EMSY: variants seen among roughly 807,000 people sequenced by gnomAD.
EMSY encodes the protein BRCA2-interacting transcriptional repressor EMSY.
In EMSY, 26 loss-of-function variants were observed where a neutral mutation model predicts 134.6. That is an observed-to-expected ratio of 0.19 (90% CI 0.14 to 0.27). The LOEUF is 0.27. Among genes scored for constraint, EMSY ranks in the 10% least tolerant of loss-of-function variants. The probability of loss-of-function intolerance (pLI) is 1.00; values close to 1 mark genes in which losing one functional copy is unlikely to be tolerated. For missense variants in EMSY, 1,305 were observed against 1,611.4 expected, an observed-to-expected ratio of 0.81 and a Z score of 3.26; for synonymous variants, 579 against 577.8, an observed-to-expected ratio of 1.00 and a Z score of -0.03.
At chr11:76,518,437 GGATTACAGGCATGAGCCA>G (rs1270714288) in intron 11 of EMSY, among the ~76,000 whole-genome samples, 2 of 150,870 alleles carry the variant, frequency 1.3e-5, no homozygotes, top group African/African-American at 4.9e-5. Flanking sequence ...CAAAGTGCTG[GGATTACAGGCATGAGCCA>G]CCATGCCTGG....
chr11:76,524,673 CTGA>C (rs1297617440), intron 12 of EMSY, among the ~76,000 whole-genome samples: 1 of 152,146 alleles, frequency 6.6e-6, no homozygotes, highest in African/African-American at 2.4e-5. Flanking sequence ...TTAGATATCT[CTGA>C]TAACAACCGT....
At chr11:76,450,307 A>G (rs1463874881) in intron 2 of EMSY, among the ~76,000 whole-genome samples, 1 of 152,114 alleles carries the variant, frequency 6.6e-6, no homozygotes, top group Admixed American at 6.6e-5. Flanking sequence ...TCTGGACTCT[A>G]TTCTGGGTCC....
intron 16 of EMSY, 49 bp from the exon 18 acceptor site, chr11:76,539,550 G>C (rs1951353390): frequency 1.3e-6 from 2 of 1,582,010 alleles, no homozygotes; most frequent in South Asian, 2.2e-5. Flanking sequence ...ATTCTTGCAT[G>C]GTGAACAGAT....
chr11:76,520,284 A>G (rs1442236255), intron 11 of EMSY, among the ~76,000 whole-genome samples: 2 of 152,088 alleles, frequency 1.3e-5, no homozygotes, highest in East Asian at 1.9e-4. Flanking sequence ...TTGGTTTGCA[A>G]CTATCATATA....
At chr11:76,489,680 C>G (rs145035734) in intron 8 of EMSY, among the ~76,000 whole-genome samples, 1,844 of 151,244 alleles carry the variant, frequency 0.012, 26 homozygotes, top group African/African-American at 0.041. Context: ...TTTTGGCTCA[C>G]TGCAACCTCC....
downstream of EMSY, chr11:76,551,588 T>C (rs973674344): frequency 9.2e-5 from 14 of 152,600 alleles, no homozygotes; most frequent in African/African-American, 3.4e-4. Flanking sequence ...CGCTGATCTC[T>C]GGTGGTTGTC....
exon 9 of EMSY, chr11:76,496,248 C>G (rs764261455): frequency 6.2e-7 from 1 of 1,614,044 alleles, no homozygotes. Context: ...ATGGCATCAA[C>G]CAGACTTCCT....
intron 11 of EMSY, among the ~76,000 whole-genome samples, chr11:76,518,703 A>ATATATATATATATATAT (rs57143914): frequency 2.3e-5 from 3 of 130,202 alleles, no homozygotes; most frequent in Non-Finnish European, 3.2e-5. Context: ...ATATATATAT[A>ATATATATATATATATAT]TTTTTTTTTT....
At chr11:76,454,185 TC>T (rs1318148618) in intron 4 of EMSY, among the ~76,000 whole-genome samples, 1 of 152,214 alleles carries the variant, frequency 6.6e-6, no homozygotes, top group Non-Finnish European at 1.5e-5. Context: ...TCAGTGCATT[TC>T]CATAATGTGA....
At chr11:76,545,817 C>T (rs2136808458) in exon 20 of EMSY, 1 of 1,610,584 alleles carries the variant, frequency 6.2e-7, no homozygotes, top group Non-Finnish European at 8.5e-7. Flanking sequence ...CAATTATAAC[C>T]CAAGGATCCT....
chr11:76,451,744 A>G (rs1220500986), intron 2 of EMSY, 114 bp from the exon 3 acceptor site: 1 of 506,726 alleles, frequency 2.0e-6, no homozygotes, highest in Non-Finnish European at 3.3e-6. Flanking sequence ...AGGAATTTAA[A>G]ACAATATTTT....
intron 8 of EMSY, among the ~76,000 whole-genome samples, chr11:76,479,905 A>G (rs1291429892): frequency 6.6e-6 from 1 of 152,244 alleles, no homozygotes; most frequent in Non-Finnish European, 1.5e-5. Flanking sequence ...TAATGGTAAT[A>G]CTGGTCATGA....
chr11:76,446,321 G>GTATATATATA lies in EMSY; in HGVS notation c.-39-578_-39-577insATATATATAT, dbSNP rs1405776336. On this transcript the variant is annotated intron_variant, in intron 1 of 20. Transcript: ENST00000334736. Reference sequence around the variant, plus strand: ...AGAGAGTATATATATATGTGTGTGTGTGTATATATATATGTATATATATAT... The same window carrying GTATATATATA: ...AGAGAGTATATATATATGTGTGTGTGTATATATATATGTATATATATATGTATATATATAT... 7.1e-3 allele frequency among the ~76,000 whole-genome samples: 784 copies of GTATATATATA among 110,050 alleles called. 5 individuals are homozygous for GTATATATATA. Among genetic ancestry groups the GTATATATATA allele is most frequent in the African/African-American group, 0.015 (440 of 28,654 alleles). 72.2% of individuals were successfully genotyped at this position (110,050 alleles called of 152,430 possible).
At position 76,476,933 on chromosome 11, in the gene EMSY, G is replaced by A. The variant is rs968398987; in HGVS notation, c.1108+4093G>A. On this transcript the variant is annotated intron_variant, in intron 8 of 20. Transcript: ENST00000334736. The stretch of plus-strand genomic sequence containing the variant: ...TCTGTTTAAGAGGAAATATATCGTC[G>A]TTTCATACTGATATTACCAATTCCA... Among the ~76,000 whole-genome samples, 8 of 152,064 alleles carry A rather than the reference G, an allele frequency of 5.3e-5. No homozygotes were observed. In the South Asian group the frequency reaches 1.7e-3, roughly 32 times the overall value.
intron 8 of EMSY, among the ~76,000 whole-genome samples, chr11:76,475,433 T>C (rs967375589): frequency 6.6e-6 from 1 of 152,208 alleles, no homozygotes; most frequent in Admixed American, 6.5e-5. Context: ...CTGAATCTCT[T>C]AGGAACTTAG....
intron 9 of EMSY, among the ~76,000 whole-genome samples, chr11:76,501,725 T>C (rs997713148): frequency 1.3e-5 from 2 of 151,952 alleles, no homozygotes; most frequent in Non-Finnish European, 2.9e-5. Flanking sequence ...AACATACATA[T>C]AATGGAAGTA....
chr11:76,540,305 T>C (rs115186788), intron 17 of EMSY, among the ~76,000 whole-genome samples: 53 of 152,334 alleles, frequency 3.5e-4, no homozygotes, highest in African/African-American at 1.3e-3. Context: ...ATTTGCTTAA[T>C]TTTAATATTA....
chr11:76,474,895 C>T (rs1948717467), intron 8 of EMSY, among the ~76,000 whole-genome samples: 1 of 152,124 alleles, frequency 6.6e-6, no homozygotes, highest in African/African-American at 2.4e-5. Flanking sequence ...ACCCCAGTAG[C>T]TGGGACCTCA....
chr11:76,531,505 G>T (rs1951039386), intron 14 of EMSY, among the ~76,000 whole-genome samples: 1 of 152,044 alleles, frequency 6.6e-6, no homozygotes, highest in African/African-American at 2.4e-5. Context: ...GATTCATCAG[G>T]AATTCCACAG....
Sources: gnomAD v4.1 joint callset for allele counts (sites outside exome capture counted in the v4.1 genomes callset) on GRCh38, gnomAD v4.1.1 for gene constraint, MANE v1.5 for transcripts, NCBI Gene and HGNC (gene_info 2026-07-23, HGNC 2026-07-21) for gene names.